ZNF618: variants seen among roughly 807,000 people sequenced by gnomAD.
ZNF618 encodes neural precursor cell expressed, developmentally down-regulated 10.
In ZNF618, 34 loss-of-function variants were observed where a neutral mutation model predicts 103.0. That is an observed-to-expected ratio of 0.33 (90% CI 0.25 to 0.44). The LOEUF is 0.44. Among genes scored for constraint, ZNF618 ranks in the 20% least tolerant of loss-of-function variants. ZNF618 has a pLI of 1.00. For missense variants in ZNF618, 1,059 were observed against 1,295.4 expected, an observed-to-expected ratio of 0.82 and a Z score of 2.80; for synonymous variants, 551 against 542.2, an observed-to-expected ratio of 1.02 and a Z score of -0.23.
intron 10 of ZNF618, among the ~76,000 whole-genome samples, chr9:114,017,564 G>A (rs969720491): frequency 1.3e-5 from 2 of 152,196 alleles, no homozygotes; most frequent in Non-Finnish European, 2.9e-5. Flanking sequence ...ATGTGCAGGT[G>A]CAGAAACCAA....
chr9:113,942,973 A>G (rs1228304258), intron 1 of ZNF618, among the ~76,000 whole-genome samples: 1 of 152,140 alleles, frequency 6.6e-6, no homozygotes, highest in Non-Finnish European at 1.5e-5. Flanking sequence ...CGAAAGTGTA[A>G]TTTATTTAGA....
At chr9:113,879,678 G>A (rs1828327231) in intron 1 of ZNF618, among the ~76,000 whole-genome samples, 1 of 151,472 alleles carries the variant, frequency 6.6e-6, no homozygotes, top group African/African-American at 2.4e-5. Flanking sequence ...ACTTGGGGGT[G>A]GTAATTTGAT....
At chr9:113,974,712 C>G (rs964565985) in intron 2 of ZNF618, among the ~76,000 whole-genome samples, 2 of 152,124 alleles carry the variant, frequency 1.3e-5, no homozygotes, top group Non-Finnish European at 2.9e-5. Flanking sequence ...CAGCTGTACT[C>G]CTGTGGTCCC....
intron 1 of ZNF618, among the ~76,000 whole-genome samples, chr9:113,929,461 C>G (rs573606040): frequency 1.3e-5 from 2 of 152,200 alleles, no homozygotes; most frequent in Admixed American, 1.3e-4. Flanking sequence ...GACTTCCAAG[C>G]TCTGTACATA....
At chr9:113,948,172 A>G (rs544946280) in intron 1 of ZNF618, among the ~76,000 whole-genome samples, 1 of 152,170 alleles carries the variant, frequency 6.6e-6, no homozygotes, top group South Asian at 2.1e-4. Flanking sequence ...GAGCGGTGGA[A>G]TTTTCACTCC....
intron 1 of ZNF618, among the ~76,000 whole-genome samples, chr9:113,893,839 ATTAG>A (rs1162912950): frequency 6.6e-6 from 1 of 152,124 alleles, no homozygotes; most frequent in Non-Finnish European, 1.5e-5. Context: ...AAGGGTACAT[ATTAG>A]TTTAACACAT....
rs1846139405 is a variant in ZNF618, at chr9:114,051,619, C to CG, written c.*1456dup. On this transcript the variant is annotated 3_prime_UTR_variant, in exon 15 of 15. Transcript: ENST00000374126. ...CAGGAGCTCTGCTGCCCACAGCCCT[C>CG]GGGGTCCTCACTCACACCTCCGACT... The CG allele has an allele frequency of 6.6e-6, 1 of 152,424 alleles. No homozygotes were observed. 9.4% of individuals were successfully genotyped at this position (152,424 alleles called of 1,614,324 possible).
chr9:113,976,265 G>A (rs1455946791), intron 2 of ZNF618, among the ~76,000 whole-genome samples: 1 of 152,174 alleles, frequency 6.6e-6, no homozygotes, highest in Non-Finnish European at 1.5e-5. Context: ...ATCAGCACAT[G>A]CCCCCCACAT....
intron 1 of ZNF618, among the ~76,000 whole-genome samples, chr9:113,935,771 C>G (rs895723564): frequency 6.6e-6 from 1 of 152,124 alleles, no homozygotes; most frequent in African/African-American, 2.4e-5. Flanking sequence ...GCACCCTGCC[C>G]TGTGCTGTGT....
chr9:113,976,049 C>T (rs1445934835), intron 2 of ZNF618, among the ~76,000 whole-genome samples: 1 of 152,146 alleles, frequency 6.6e-6, no homozygotes. Context: ...TTACCATTTA[C>T]CATTCAACCT....
intron 1 of ZNF618, among the ~76,000 whole-genome samples, chr9:113,882,678 C>T (rs1460162923): frequency 1.3e-5 from 2 of 152,194 alleles, no homozygotes; most frequent in Non-Finnish European, 2.9e-5. Flanking sequence ...GCTGCTCTAG[C>T]TCCTTGGAAT....
At chr9:113,998,431 A>G (rs1840847716) in intron 4 of ZNF618, 77 bp downstream of exon 4, 1 of 1,346,102 alleles carries the variant, frequency 7.4e-7, no homozygotes, top group Admixed American at 2.0e-5. Context: ...GCCATCAGTT[A>G]CAGACCTGAG....
rs1373114047 is a variant in ZNF618 at position 114,056,162 on chromosome 9, C to G, written c.*5995C>G. The G allele has an allele frequency of 2.6e-5, 4 of 151,950 alleles. No individual in the cohort carries two copies. The highest frequency in any genetic ancestry group is 9.7e-5 in the African/African-American group (4 of 41,224). The allele number at this position is 151,950 out of a possible 1,614,324, so 9.4% of individuals were successfully genotyped here. Reference sequence around the variant, plus strand: ...AACTTGAGGGTTTATTTAGGGTTTTCTGTTTGTCCTTTGGGTTTTTGTTTC... The same window carrying G: ...AACTTGAGGGTTTATTTAGGGTTTTGTGTTTGTCCTTTGGGTTTTTGTTTC... On this transcript the variant is annotated 3_prime_UTR_variant, in exon 15 of 15. Transcript: ENST00000374126.
intron 1 of ZNF618, among the ~76,000 whole-genome samples, chr9:113,965,143 T>A (rs1336411054): frequency 6.6e-6 from 1 of 152,128 alleles, no homozygotes; most frequent in African/African-American, 2.4e-5. Context: ...AAATTTTAAT[T>A]CAGTGCATTA....
chr9:113,945,114 T>C (rs79946708), intron 1 of ZNF618, among the ~76,000 whole-genome samples: 5,527 of 152,172 alleles, frequency 0.036, 607 homozygotes, highest in East Asian at 0.33. Flanking sequence ...CCTCACTCTG[T>C]CCTGCCAGGC....
chr9:114,032,150 G>A (rs116759968), intron 11 of ZNF618, among the ~76,000 whole-genome samples: 2,553 of 152,300 alleles, frequency 0.017, 73 homozygotes, highest in African/African-American at 0.058. Context: ...TCCCTGTCAC[G>A]CCATCTGTTG....
At chr9:113,909,290 G>C (rs948191319) in intron 1 of ZNF618, among the ~76,000 whole-genome samples, 1 of 152,094 alleles carries the variant, frequency 6.6e-6, no homozygotes, top group Admixed American at 6.5e-5. Flanking sequence ...TGTGGCTCTT[G>C]CTTGGTGGTT....
intron 1 of ZNF618, among the ~76,000 whole-genome samples, chr9:113,954,065 G>T (rs1836022086): frequency 6.6e-6 from 1 of 152,124 alleles, no homozygotes; most frequent in Non-Finnish European, 1.5e-5. Context: ...CAACAACTAG[G>T]ACAAAGAGGT....
chr9:113,987,928 G>A (rs1839647987), intron 2 of ZNF618, among the ~76,000 whole-genome samples: 1 of 151,930 alleles, frequency 6.6e-6, no homozygotes, highest in Admixed American at 6.6e-5. Context: ...TGATCTGTAT[G>A]CACACTGAGG....
Sources: gnomAD v4.1 joint callset for allele counts (sites outside exome capture counted in the v4.1 genomes callset) on GRCh38, gnomAD v4.1.1 for gene constraint, MANE v1.5 for transcripts, NCBI Gene and HGNC (gene_info 2026-07-23, HGNC 2026-07-21) for gene names.